CENPP: variants seen among roughly 807,000 people sequenced by gnomAD.
The protein encoded by CENPP is centromere protein P.
In CENPP, 24 loss-of-function variants were observed where a neutral mutation model predicts 35.6. The observed-to-expected ratio is 0.67, with a 90% CI of 0.49 to 0.95. The LOEUF is 0.95. Ranked by LOEUF, CENPP falls within the 40% of genes least tolerant of loss-of-function variation. The pLI is 0.00. For missense variants in CENPP, 332 were observed against 345.3 expected (o/e 0.96, Z 0.31); for synonymous variants, 120 against 125.5 (o/e 0.96, Z 0.29).
At chr9:92,567,846 A>G (rs1446482315) in intron 5 of CENPP, among the ~76,000 whole-genome samples, 1 of 152,180 alleles carries the variant, frequency 6.6e-6, no homozygotes, top group African/African-American at 2.4e-5. Flanking sequence ...ATAGCTACAG[A>G]ACTTGTACAA....
At chr9:92,427,174 G>T (rs1205529963) in intron 5 of CENPP, among the ~76,000 whole-genome samples, 2 of 152,096 alleles carry the variant, frequency 1.3e-5, no homozygotes, top group African/African-American at 2.4e-5. Context: ...AATCTTTTTT[G>T]TTGTTGTTGA....
At chr9:92,416,661 T>C (rs534920264) in intron 5 of CENPP, 56 of 1,603,222 alleles carry the variant, frequency 3.5e-5, no homozygotes, top group Non-Finnish European at 4.5e-5. Context: ...TCCAAATTTC[T>C]TGGAATATAG....
intron 5 of CENPP, among the ~76,000 whole-genome samples, chr9:92,399,969 C>G (rs1277501138): frequency 6.6e-6 from 1 of 151,950 alleles, no homozygotes; most frequent in Non-Finnish European, 1.5e-5. Context: ...TTTACTGTTT[C>G]CCTTGTTATT....
Position 92,618,725 on chromosome 9 carries a change from A to G in CENPP, c.*5576A>G, listed in dbSNP as rs1484768199. On this transcript the variant is annotated 3_prime_UTR_variant, in exon 8 of 8. Transcript: ENST00000375587. ...TGTTCCTCAGTATTTCATATTGGAA[A>G]GTAAACAATTCTGTGCCTGCCAGGG... 5.5e-6 allele frequency: 2 copies of G among 365,152 alleles called. No homozygotes were observed. The highest frequency in any genetic ancestry group is 1.1e-5 in the Non-Finnish European group (2 of 184,266). 22.6% of individuals were successfully genotyped at this position (365,152 alleles called of 1,614,324 possible).
intron 5 of CENPP, among the ~76,000 whole-genome samples, chr9:92,574,793 G>T (rs1850238483): frequency 6.6e-6 from 1 of 152,170 alleles, no homozygotes; most frequent in Non-Finnish European, 1.5e-5. Flanking sequence ...AAAGCTGGAG[G>T]ACTCATTTCT....
At chr9:92,461,789 A>G (rs547676706) in intron 5 of CENPP, among the ~76,000 whole-genome samples, 3 of 152,114 alleles carry the variant, frequency 2.0e-5, no homozygotes, top group Admixed American at 2.0e-4. Flanking sequence ...TTCATTAATT[A>G]TTTAGTTACT....
rs766820868 is a variant in CENPP, at chr9:92,608,351, C to CT, written c.565-2962dup. 3.9e-5 allele frequency among the ~76,000 whole-genome samples: 6 copies of CT among 152,302 alleles called. No individual in the cohort carries two copies. In the South Asian group the frequency reaches 1.2e-3, roughly 32 times the overall value. ...CAATTCACTTTTTTTGTGTGTGTAACTATTTGTCATGGAAAGCATTCGAAA... is the reference window on the plus strand; with the variant it reads ...CAATTCACTTTTTTTGTGTGTGTAACTTATTTGTCATGGAAAGCATTCGAAA... On this transcript the variant is annotated intron_variant, in intron 5 of 7. Coordinates refer to ENST00000375587, the MANE Select transcript of CENPP (RefSeq NM_001012267.3).
intron 5 of CENPP, among the ~76,000 whole-genome samples, chr9:92,453,529 C>G (rs1844779425): frequency 6.6e-6 from 1 of 151,976 alleles, no homozygotes; most frequent in African/African-American, 2.4e-5. Context: ...ACTATATGGT[C>G]AATTTTGGAA....
At chr9:92,411,575 G>A (rs1052248789) in intron 5 of CENPP, among the ~76,000 whole-genome samples, 7 of 152,154 alleles carry the variant, frequency 4.6e-5, no homozygotes, top group African/African-American at 1.4e-4. Context: ...TATTACAGGT[G>A]TAATCCACCA....
intron 5 of CENPP, among the ~76,000 whole-genome samples, chr9:92,408,539 C>T (rs776873151): frequency 2.0e-5 from 3 of 152,082 alleles, no homozygotes; most frequent in Non-Finnish European, 2.9e-5. Context: ...AGTTCTTTAA[C>T]GTTTTGGGCC....
At chr9:92,358,879 G>T (rs1046242966) in intron 4 of CENPP, among the ~76,000 whole-genome samples, 10 of 150,408 alleles carry the variant, frequency 6.6e-5, no homozygotes, top group African/African-American at 2.0e-4. Context: ...TTTTTTCAGG[G>T]ATGCTGTCTA....
At chr9:92,500,639 G>C in intron 5 of CENPP, 1 of 1,351,666 alleles carries the variant, frequency 7.4e-7, no homozygotes, top group Middle Eastern at 2.3e-4. Flanking sequence ...TTCCCTTAAC[G>C]TAAATCCCAG....
chr9:92,471,401 TG>T (rs1845509493), intron 5 of CENPP, among the ~76,000 whole-genome samples: 5 of 151,968 alleles, frequency 3.3e-5, no homozygotes, highest in Admixed American at 3.3e-4. Context: ...TTCCCCATGT[TG>T]GTCAGGCTGG....
At chr9:92,464,276 G>C (rs1588149420) in intron 5 of CENPP, among the ~76,000 whole-genome samples, 1 of 152,208 alleles carries the variant, frequency 6.6e-6, no homozygotes, top group Admixed American at 6.5e-5. Context: ...GACTTAAGGA[G>C]CATTCTACTT....
chr9:92,563,508 CTG>C (rs1274961071), intron 5 of CENPP, among the ~76,000 whole-genome samples: 1 of 152,158 alleles, frequency 6.6e-6, no homozygotes, highest in African/African-American at 2.4e-5. Flanking sequence ...ATTACTGTCT[CTG>C]TGTAAAACAG....
intron 5 of CENPP, among the ~76,000 whole-genome samples, chr9:92,461,612 A>G (rs550295250): frequency 5.5e-4 from 84 of 152,300 alleles, no homozygotes; most frequent in Non-Finnish European, 9.6e-4. Flanking sequence ...AGTCAGATGC[A>G]GAGAGACATT....
At chr9:92,522,710 GCTGT>G (rs1848154169) in intron 5 of CENPP, 1 of 1,614,036 alleles carries the variant, frequency 6.2e-7, no homozygotes, top group African/African-American at 1.3e-5. Context: ...TGAATTCCAA[GCTGT>G]CTGTTTGATC....
chr9:92,331,394 A>T (rs1050189325), intron 1 of CENPP, among the ~76,000 whole-genome samples: 4 of 151,700 alleles, frequency 2.6e-5, no homozygotes, highest in Non-Finnish European at 4.4e-5. Flanking sequence ...GTTAGCCAGG[A>T]TGGTCTTGAT....
At chr9:92,439,567 T>C (rs567659515) in intron 5 of CENPP, among the ~76,000 whole-genome samples, 14 of 152,242 alleles carry the variant, frequency 9.2e-5, no homozygotes, top group Middle Eastern at 3.4e-3. Flanking sequence ...GGAGAATCAG[T>C]TTTATAATCT....
Sources: allele counts gnomAD v4.1 joint callset (sites outside exome capture counted in the v4.1 genomes callset), GRCh38; gene constraint gnomAD v4.1.1; transcripts MANE v1.5; gene names NCBI Gene and HGNC (gene_info 2026-07-23, HGNC 2026-07-21).